The following APOD variants were observed in gnomAD, a reference collection of about 807,000 sequenced individuals.
The protein encoded by APOD is apolipoprotein D.
In APOD, 22 loss-of-function variants were observed where a neutral mutation model predicts 20.4. That is an observed-to-expected ratio of 1.08 (90% CI 0.77 to 1.54). The LOEUF (loss-of-function observed/expected upper bound fraction) is 1.54, where lower values mean the gene tolerates loss of function less well. Ranked by LOEUF, APOD falls within the 40% of genes most tolerant of loss-of-function variation. The pLI is 0.00. For missense variants in APOD, 223 were observed against 229.6 expected (o/e 0.97, Z 0.19); for synonymous variants, 97 against 92.4 (o/e 1.05, Z -0.29).
rs751264654 is a variant in APOD at position 195,579,434 on chromosome 3, C to T, written c.28G>A (p.Ala10Thr). 6 of 1,613,834 alleles carry T rather than the reference C, an allele frequency of 3.7e-6. No individual in the cohort carries two copies. Among genetic ancestry groups the T allele is most frequent in the Non-Finnish European group, 3.4e-6 (4 of 1,180,020 alleles). The change falls in exon 2 of 5, where the codon GCA becomes ACA. Residue 10 changes from alanine to threonine, a missense_variant. Coordinates refer to ENST00000343267, the MANE Select transcript of APOD (RefSeq NM_001647.4). The stretch of plus-strand genomic sequence containing the variant: ...GCCGCACCGAAGAGGCCAGCCAGTG[C>T]GGAAAGCAGCAGCAGCAGCATCACC... MVMLLLLLS[A>T]LAGLFGAAEG...
At chr3:195,577,193 A>G (rs913904927) in intron 2 of APOD, 5 of 359,450 alleles carry the variant, frequency 1.4e-5, no homozygotes, top group African/African-American at 9.1e-5. Flanking sequence ...TCTCAAAAAA[A>G]AAAAGAAAAG....
intron 1 of APOD, among the ~76,000 whole-genome samples, chr3:195,583,485 T>C (rs945896961): frequency 5.9e-5 from 9 of 152,228 alleles, no homozygotes; most frequent in African/African-American, 1.9e-4. Context: ...AGTCACACCA[T>C]TAATTCCAGT....
chr3:195,571,134 G>T, intron 4 of APOD, 143 bp downstream of exon 4: 1 of 770,966 alleles, frequency 1.3e-6, no homozygotes, highest in Non-Finnish European at 2.3e-6. Flanking sequence ...TGCGTGACAT[G>T]TAGTAAGTGT....
chr3:195,574,246 G>T lies in APOD; in HGVS notation c.124-275C>A, dbSNP rs143058237. ...CATTCTAGACTCTGTAAAAAAAGGGGATGATGGGAAATACCTTTCATCTGA... is the reference window on the plus strand; with the variant it reads ...CATTCTAGACTCTGTAAAAAAAGGGTATGATGGGAAATACCTTTCATCTGA... On this transcript the variant is annotated intron_variant, in intron 2 of 4. Coordinates refer to ENST00000343267, the MANE Select transcript of APOD (RefSeq NM_001647.4). Among the ~76,000 whole-genome samples the T allele has an allele frequency of 4.8e-3, 734 of 152,294 alleles. 8 individuals carry two copies. The highest frequency in any genetic ancestry group is 0.016 in the African/African-American group (682 of 41,550).
chr3:195,568,833 G>GCGGC lies in APOD; in HGVS notation c.*66_*67insGCCG, dbSNP rs369497400. ...CGTGGTTGATTGGTTTGTCTTTATG[G>GCGGC]GGGGGGGGTAGGGGAAAGCGAAGCA... On this transcript the variant is annotated 3_prime_UTR_variant, in exon 5 of 5. Transcript: ENST00000343267. The GCGGC allele has an allele frequency of 1.9e-6, 2 of 1,041,148 alleles. No individual in the cohort carries two copies. Among genetic ancestry groups the GCGGC allele is most frequent in the East Asian group, 5.0e-5 (2 of 40,100 alleles). 64.5% of individuals were successfully genotyped at this position (1,041,148 alleles called of 1,614,324 possible). A position where few individuals can be genotyped will look rare whatever the true frequency, so the allele number is the denominator to read the frequency against.
At chr3:195,577,028 A>T in intron 2 of APOD, 1 of 217,766 alleles carries the variant, frequency 4.6e-6, no homozygotes, top group Non-Finnish European at 9.5e-6. Flanking sequence ...TTACTAAAAT[A>T]CAAAAAAACT....
chr3:195,575,223 G>C (rs544336686), intron 2 of APOD, among the ~76,000 whole-genome samples: 1 of 152,310 alleles, frequency 6.6e-6, no homozygotes, highest in African/African-American at 2.4e-5. Flanking sequence ...TGACTCTTAT[G>C]CCATCATCAA....
At chr3:195,573,452 G>C (rs1720199005) in intron 3 of APOD, among the ~76,000 whole-genome samples, 1 of 152,230 alleles carries the variant, frequency 6.6e-6, no homozygotes, top group Non-Finnish European at 1.5e-5. Context: ...GCTGCCCAGA[G>C]ATGGGATGAA....
At chr3:195,582,398 G>T (rs1035513634) in intron 1 of APOD, among the ~76,000 whole-genome samples, 1 of 152,192 alleles carries the variant, frequency 6.6e-6, no homozygotes, top group Non-Finnish European at 1.5e-5. Context: ...TCAATAGGAA[G>T]ATTGTTCTTA....
At chr3:195,572,865 A>G (rs751628007) in intron 3 of APOD, among the ~76,000 whole-genome samples, 6 of 152,204 alleles carry the variant, frequency 3.9e-5, no homozygotes, top group Non-Finnish European at 7.3e-5. Flanking sequence ...CAATTAAAAA[A>G]AAAAAAGAAA....
At chr3:195,579,615 A>C in intron 1 of APOD, 120 bp from the exon 2 acceptor site, 1 of 1,082,938 alleles carries the variant, frequency 9.2e-7, no homozygotes, top group Middle Eastern at 3.1e-4. Flanking sequence ...TTCTCTCCCC[A>C]GCCCATGTGA....
At chr3:195,575,775 G>A (rs570293252) in intron 2 of APOD, among the ~76,000 whole-genome samples, 88 of 152,022 alleles carry the variant, frequency 5.8e-4, no homozygotes, top group Non-Finnish European at 9.9e-4. Flanking sequence ...TTACAGGCAC[G>A]TGCCACCATG....
intron 3 of APOD, among the ~76,000 whole-genome samples, chr3:195,572,281 G>A (rs1010808337): frequency 2.6e-5 from 4 of 152,200 alleles, no homozygotes; most frequent in Admixed American, 2.6e-4. Flanking sequence ...GTGAGTGTGG[G>A]GGATTTCAAT....
At chr3:195,580,967 C>A (rs1183439998) in intron 1 of APOD, among the ~76,000 whole-genome samples, 1 of 152,188 alleles carries the variant, frequency 6.6e-6, no homozygotes, top group African/African-American at 2.4e-5. Flanking sequence ...TGCACACGAG[C>A]TATTTCCAGC....
rs1298696100 is a variant in APOD at position 195,568,912 on chromosome 3, G to C, written c.558C>G (p.Pro186=). ...KMTVTDQVNC[P]KLS is the part of the protein sequence containing the mutation. Reference sequence around the variant, plus strand: ...CTGTAGAACCTGGTTACGAGAGCTTGGGGCAGTTCACCTGGTCTGTGACCG... The same window carrying C: ...CTGTAGAACCTGGTTACGAGAGCTTCGGGCAGTTCACCTGGTCTGTGACCG... Residue 186 remains proline (P), a synonymous_variant, in exon 5 of 5, where the codon CCC becomes CCG. Transcript: ENST00000343267. 4 of 1,613,394 alleles carry C rather than the reference G, an allele frequency of 2.5e-6. No homozygotes were observed. Among genetic ancestry groups the C allele is most frequent in the East Asian group, 2.2e-5 (1 of 44,892 alleles).
intron 2 of APOD, among the ~76,000 whole-genome samples, chr3:195,578,970 G>A (rs914917715): frequency 6.6e-6 from 1 of 152,160 alleles, no homozygotes; most frequent in Admixed American, 6.5e-5. Flanking sequence ...CTAGAGCCAC[G>A]GATGCTCCCA....
In APOD at chr3:195,573,776, C is replaced by T. The variant is rs148988823; in HGVS notation, c.245+74G>A. On this transcript the variant is annotated intron_variant, in intron 3 of 4. Transcript: ENST00000343267. ...CAGCAAGGTTCCCATCCTCCCTGAC[C>T]CAGGCTGCCGGACACCCAGTCACTC... The T allele has an allele frequency of 2.4e-4, 371 of 1,564,340 alleles. 3 individuals are homozygous for T. In the African/African-American group the frequency reaches 4.5e-3, roughly 19 times the overall value.
intron 4 of APOD, among the ~76,000 whole-genome samples, chr3:195,570,432 T>C (rs1270808135): frequency 6.6e-6 from 1 of 152,250 alleles, no homozygotes; most frequent in African/African-American, 2.4e-5. Context: ...AAGTTAGTTG[T>C]CCATATTCAT....
At chr3:195,577,298 GAA>G (rs1300410327) in intron 2 of APOD, 1 of 233,808 alleles carries the variant, frequency 4.3e-6, no homozygotes, top group Non-Finnish European at 8.7e-6. Flanking sequence ...CTTATACTCT[GAA>G]AACTACAAAG....
Sources: allele counts gnomAD v4.1 joint callset (sites outside exome capture counted in the v4.1 genomes callset), GRCh38; gene constraint gnomAD v4.1.1; transcripts MANE v1.5; gene names NCBI Gene and HGNC (gene_info 2026-07-23, HGNC 2026-07-21).